The following COG7 variants were observed in gnomAD, a reference collection of about 807,000 sequenced individuals.
COG7 encodes the protein component of oligomeric golgi complex 7.
A neutral mutation model predicts 91.5 loss-of-function variants in COG7; 49 were observed. That is an observed-to-expected ratio of 0.54 (90% confidence interval 0.43 to 0.68). The LOEUF is 0.68. Among genes scored for constraint, COG7 ranks in the 30% least tolerant of loss-of-function variants. COG7 has a pLI of 0.00. For synonymous variants in COG7, 365 were observed against 388.7 expected (o/e 0.94, Z 0.72); for missense variants, 895 against 961.3 (o/e 0.93, Z 0.91).
intron 13 of COG7, among the ~76,000 whole-genome samples, chr16:23,400,788 G>A: frequency 6.6e-6 from 1 of 152,100 alleles, no homozygotes. Flanking sequence ...TGGCCTACAT[G>A]GTGAAACCCC....
chr16:23,433,727 A>G lies in COG7; in HGVS notation c.688-60T>C, dbSNP rs981642349. The stretch of plus-strand genomic sequence containing the variant: ...ACGTCAACATAGGTTGCCTGTGAAC[A>G]CTGCCCTGCCCTGCTACCCAGCGTA... On this transcript the variant is annotated intron_variant, in intron 5 of 16. Coordinates refer to ENST00000307149, the MANE Select transcript of COG7 (RefSeq NM_153603.4). The G allele has an allele frequency of 6.0e-5, 96 of 1,603,506 alleles. No homozygotes were observed. In the Admixed American group the frequency reaches 1.5e-3, roughly 25 times the overall value.
chr16:23,421,223 T>C (rs946214593), intron 7 of COG7, among the ~76,000 whole-genome samples: 8 of 151,608 alleles, frequency 5.3e-5, no homozygotes, highest in African/African-American at 1.2e-4. Context: ...ATTAAAATAA[T>C]AGAAAAAATG....
At chr16:23,429,033 A>G (rs1264854522) in intron 6 of COG7, among the ~76,000 whole-genome samples, 1 of 151,806 alleles carries the variant, frequency 6.6e-6, no homozygotes, top group African/African-American at 2.4e-5. Flanking sequence ...TCTGTCGCCC[A>G]GACTGGAGTG....
chr16:23,390,743 C>G (rs1567325832), intron 16 of COG7, among the ~76,000 whole-genome samples: 1 of 152,206 alleles, frequency 6.6e-6, no homozygotes, highest in Non-Finnish European at 1.5e-5. Context: ...GCCCAGCCCC[C>G]TGTGTTTTCT....
chr16:23,452,792 G>C (rs775486043), intron 1 of COG7, 34 bp downstream of exon 1: 1 of 1,593,608 alleles, frequency 6.3e-7, no homozygotes, highest in Non-Finnish European at 8.5e-7. Flanking sequence ...GAGAGCAGGG[G>C]AGGGTCCCGC....
intron 12 of COG7, among the ~76,000 whole-genome samples, chr16:23,404,350 T>C (rs186680314): frequency 6.6e-6 from 1 of 152,344 alleles, no homozygotes; most frequent in Admixed American, 6.5e-5. Context: ...AGATGGAAAG[T>C]GTAACCTTAG....
chr16:23,442,058 C>T (rs987444896), intron 4 of COG7: 6 of 180,886 alleles, frequency 3.3e-5, no homozygotes, highest in South Asian at 2.3e-4. Context: ...CCTGGCCGGG[C>T]GCGGTGGCTC....
intron 9 of COG7, chr16:23,415,151 G>GT (rs1963632567): frequency 6.6e-6 from 1 of 152,232 alleles, no homozygotes; most frequent in Non-Finnish European, 1.5e-5. Context: ...ACCAAGAGAG[G>GT]TGACAGCTTT....
intron 4 of COG7, among the ~76,000 whole-genome samples, chr16:23,440,885 C>T (rs963616720): frequency 6.6e-6 from 1 of 152,006 alleles, no homozygotes; most frequent in Non-Finnish European, 1.5e-5. Context: ...TCAGAAAACC[C>T]CATCAGTCAA....
At chr16:23,400,285 A>C (rs1963352758) in intron 13 of COG7, among the ~76,000 whole-genome samples, 1 of 152,168 alleles carries the variant, frequency 6.6e-6, no homozygotes, top group East Asian at 1.9e-4. Flanking sequence ...TGAAAAGCTC[A>C]AAAACAGCTC....
intron 3 of COG7, among the ~76,000 whole-genome samples, chr16:23,442,894 T>C (rs1190687105): frequency 6.6e-6 from 1 of 151,414 alleles, no homozygotes; most frequent in Admixed American, 6.6e-5. Flanking sequence ...ATTAGCTGAG[T>C]GTGGTCATGC....
At chr16:23,451,229 T>G (rs377046931) in intron 1 of COG7, among the ~76,000 whole-genome samples, 7 of 152,080 alleles carry the variant, frequency 4.6e-5, no homozygotes, top group Non-Finnish European at 8.8e-5. Context: ...TGGGAACATC[T>G]CTTGGACTAT....
intron 6 of COG7, among the ~76,000 whole-genome samples, chr16:23,432,276 C>T (rs1377895839): frequency 6.6e-6 from 1 of 152,128 alleles, no homozygotes; most frequent in African/African-American, 2.4e-5. Context: ...TTCTCTCCAA[C>T]CTTAGTCAAA....
At chr16:23,447,573 G>C (rs1222591081) in intron 1 of COG7, among the ~76,000 whole-genome samples, 4 of 151,702 alleles carry the variant, frequency 2.6e-5, no homozygotes, top group Admixed American at 6.6e-5. Flanking sequence ...CTGGGTGACA[G>C]AGCAAGACCC....
chr16:23,394,346 G>A (rs199935190), intron 14 of COG7, among the ~76,000 whole-genome samples: 2 of 152,140 alleles, frequency 1.3e-5, no homozygotes, highest in Admixed American at 6.5e-5. Flanking sequence ...AGATATCCAC[G>A]TGATGCCAAG....
At chr16:23,398,831 C>T (rs1963327573) in intron 13 of COG7, among the ~76,000 whole-genome samples, 1 of 152,222 alleles carries the variant, frequency 6.6e-6, no homozygotes, top group South Asian at 2.1e-4. Flanking sequence ...AACCTCAGCA[C>T]TAACACGTGT....
At chr16:23,445,595 A>G (rs1010833953) in intron 2 of COG7, among the ~76,000 whole-genome samples, 24 of 152,192 alleles carry the variant, frequency 1.6e-4, no homozygotes, top group Middle Eastern at 3.4e-3. Context: ...GGAGGTTGCC[A>G]TGAGCTGAGA....
At chr16:23,393,558 C>A in intron 14 of COG7, 1 of 576,756 alleles carries the variant, frequency 1.7e-6, no homozygotes, top group Admixed American at 3.0e-5. Context: ...ATAGATTCAT[C>A]CTTCTTATAA....
intron 1 of COG7, chr16:23,446,369 A>C: frequency 3.6e-6 from 1 of 276,220 alleles, no homozygotes; most frequent in Non-Finnish European, 6.9e-6. Flanking sequence ...GAGAGGTTAA[A>C]GTAACTTGCC....
Sources: allele counts gnomAD v4.1 joint callset (sites outside exome capture counted in the v4.1 genomes callset), GRCh38; gene constraint gnomAD v4.1.1; transcripts MANE v1.5; gene names NCBI Gene and HGNC (gene_info 2026-07-23, HGNC 2026-07-21).